The following HPS1 variants were observed in gnomAD, a reference collection of about 807,000 sequenced individuals.
HPS1 encodes BLOC-3 complex member HPS1.
Under a neutral mutation model 90.6 loss-of-function variants are expected in HPS1, and 59 were observed. That is an observed-to-expected ratio of 0.65 (90% CI 0.53 to 0.81). The LOEUF (loss-of-function observed/expected upper bound fraction) is 0.81. Ranked by LOEUF, HPS1 falls within the 30% of genes least tolerant of loss-of-function variation. The pLI is 0.00. For synonymous variants in HPS1, 388 were observed against 384.4 expected, an observed-to-expected ratio of 1.01 and a Z score of -0.11; for missense variants, 849 against 896.7, an observed-to-expected ratio of 0.95 and a Z score of 0.68.
intron 10 of HPS1, among the ~76,000 whole-genome samples, chr10:98,427,582 C>G (rs767693526): frequency 2.2e-4 from 34 of 152,126 alleles, no homozygotes; most frequent in Admixed American, 3.9e-4. Flanking sequence ...CTTCCTCCCC[C>G]CTCCCTTGCC....
downstream of HPS1, chr10:98,415,304 C>G (rs995796197): frequency 1.6e-5 from 14 of 901,362 alleles, no homozygotes; most frequent in Non-Finnish European, 2.1e-5. Context: ...CTCCTGCTGC[C>G]CTGGGGCTGT....
chr10:98,419,524 C>T (rs868588975), intron 18 of HPS1, among the ~76,000 whole-genome samples: 2 of 152,100 alleles, frequency 1.3e-5, no homozygotes, highest in African/African-American at 4.8e-5. Flanking sequence ...AAGCTCCCCC[C>T]ACTGGACCCT....
intron 13 of HPS1, among the ~76,000 whole-genome samples, chr10:98,425,145 T>A (rs1318768372): frequency 6.6e-6 from 1 of 152,218 alleles, no homozygotes; most frequent in Non-Finnish European, 1.5e-5. Context: ...TGTTGCCCTG[T>A]GAGCCCGGGG....
At chr10:98,429,254 T>C (rs1198244379) in intron 10 of HPS1, 3 of 1,165,126 alleles carry the variant, frequency 2.6e-6, no homozygotes, top group Non-Finnish European at 2.2e-6. Flanking sequence ...TAGATGATTA[T>C]TACTAAATTT....
chr10:98,427,908 T>A (rs967492877), intron 10 of HPS1, among the ~76,000 whole-genome samples: 2 of 152,216 alleles, frequency 1.3e-5, no homozygotes, highest in African/African-American at 4.8e-5. Flanking sequence ...AACACCTGAT[T>A]TACAAATGGA....
Position 98,435,516 on chromosome 10 carries a change from G to A in HPS1, c.256-102C>T. On this transcript the variant is annotated intron_variant, in intron 4 of 19. Coordinates refer to ENST00000361490, the MANE Select transcript of HPS1 (RefSeq NM_000195.5). The surrounding 1 kb of genome is among the most constrained non-coding windows in gnomAD (Gnocchi z 4.3). ...CAGGGGAGGCTCGGGTCCCAGGCGG[G>A]TTTGATAAGATGCCGTTTCTGCCTT... 12 of 1,609,482 alleles carry A rather than the reference G, an allele frequency of 7.5e-6. 1 individual carries two copies. The South Asian group carries it at 1.3e-4, about 18-fold the overall frequency.
At chr10:98,424,241 G>A (rs1845290321) in intron 14 of HPS1, 72 bp downstream of exon 14, 1 of 1,073,500 alleles carries the variant, frequency 9.3e-7, no homozygotes, top group South Asian at 1.3e-5. Flanking sequence ...CAGTGGTGGA[G>A]GAGATGTGGC....
In HPS1 at chr10:98,423,858, C is replaced by G. The variant is rs757853476; in HGVS notation, c.1427G>C (p.Arg476Pro). ...ELLQACGKLK[R>P]QLCAIYRLNF... ...CAGCCGGTAGATGGCGCAGAGCTGCCGCTTCAGCTTCCCACATGCCTGGAG... is the reference window on the plus strand; with the variant it reads ...CAGCCGGTAGATGGCGCAGAGCTGCGGCTTCAGCTTCCCACATGCCTGGAG... The change falls in exon 15 of 20, where the codon CGG (arginine) becomes CCG (proline). Residue 476 changes from arginine (R) to proline (P), a missense_variant. Arg to Pro is a moderately radical substitution (Grantham distance 103). Coordinates refer to ENST00000361490, the MANE Select transcript of HPS1 (RefSeq NM_000195.5). 8 of 1,613,822 alleles carry G rather than the reference C, an allele frequency of 5.0e-6. No homozygotes were observed. In the Admixed American group the frequency reaches 1.2e-4, roughly 24 times the overall value.
chr10:98,442,086 C>A (rs2136316681), intron 3 of HPS1, among the ~76,000 whole-genome samples: 1 of 152,296 alleles, frequency 6.6e-6, no homozygotes, highest in Middle Eastern at 3.4e-3. Flanking sequence ...TGTCCATCAA[C>A]AAGTAAATGA....
At chr10:98,422,272 C>T (rs940236455) in intron 17 of HPS1, 97 bp downstream of exon 17, 57 of 1,356,550 alleles carry the variant, frequency 4.2e-5, no homozygotes, top group East Asian at 1.1e-4. Flanking sequence ...TGCTGCCCAG[C>T]GCACTCTGCT....
chr10:98,420,067 A>C lies in HPS1; in HGVS notation c.1835T>G (p.Phe612Cys), dbSNP rs1844651101. ...FQEGDFYCSY[F>C]LWFENDMGYK... ...TACCATGTCATTCTCGAACCACAGG[A>C]AGTAGGAGCAGTAGAAATCCCCCTC... is the stretch of plus-strand genomic sequence containing the variant. Residue 612 changes from phenylalanine (F) to cysteine (C), a missense_variant, in exon 18 of 20, where the codon TTC becomes TGC. Transcript: ENST00000361490. The C allele has an allele frequency of 3.1e-6, 5 of 1,613,250 alleles. No individual in the cohort carries two copies. In the South Asian group the frequency reaches 5.5e-5, roughly 18 times the overall value.
intron 7 of HPS1, 25 bp downstream of exon 7, chr10:98,431,106 A>G: frequency 6.2e-7 from 1 of 1,613,438 alleles, no homozygotes; most frequent in Non-Finnish European, 8.5e-7. Flanking sequence ...GCCTTTAGCC[A>G]CCACATGCCA....
At position 98,435,145 on chromosome 10, in the gene HPS1, T is replaced by C; in HGVS notation, c.398+127A>G. 1 of 1,114,152 alleles carries C rather than the reference T, an allele frequency of 9.0e-7. No individual in the cohort carries two copies. Among genetic ancestry groups the C allele is most frequent in the South Asian group, 1.3e-5 (1 of 76,954 alleles). 69.0% of individuals were successfully genotyped at this position (1,114,152 alleles called of 1,614,324 possible). ...CTCCAAGGTTCACTTGAGCTGTTTC[T>C]CTGACCTAGGGACCCAGCTGGGGGC... On this transcript the variant is annotated intron_variant, in intron 5 of 19. Transcript: ENST00000361490. The surrounding 1 kb of genome is among the most constrained non-coding windows in gnomAD (Gnocchi z 4.3).
intron 17 of HPS1, among the ~76,000 whole-genome samples, chr10:98,421,979 G>GACACACACACACACACACACACACACAC (rs200573934): frequency 7.1e-6 from 1 of 139,936 alleles, no homozygotes. Context: ...CACACACACA[G>GACACACACACACACACACACACACACAC]ACACACACAC....
intron 13 of HPS1, 129 bp downstream of exon 13, chr10:98,425,412 A>G: frequency 1.2e-6 from 1 of 848,080 alleles, no homozygotes; most frequent in Non-Finnish European, 1.9e-6. Context: ...CAAGGATCGT[A>G]GGCCCGGGGG....
chr10:98,441,986 G>A (rs1354509822), intron 3 of HPS1, among the ~76,000 whole-genome samples: 3 of 152,202 alleles, frequency 2.0e-5, no homozygotes, highest in African/African-American at 7.2e-5. Flanking sequence ...TCTGTCCTTG[G>A]ACATGAAAGC....
At position 98,422,356 on chromosome 10, in the gene HPS1, T is replaced by A; in HGVS notation, c.1743+13A>T. ...GAGGCCCACCCATCCCCGCCCTGGG[T>A]CCAAATGGTTACCTTAGTTTTGACA... is the stretch of plus-strand genomic sequence containing the variant. On this transcript the variant is annotated intron_variant, in intron 17 of 19. Transcript: ENST00000361490. 4 of 1,514,138 alleles carry A rather than the reference T, an allele frequency of 2.6e-6. No individual in the cohort carries two copies. The highest frequency in any genetic ancestry group is 3.6e-6 in the Non-Finnish European group (4 of 1,099,240). The allele number at this position is 1,514,138 out of a possible 1,614,324, so 93.8% of individuals were successfully genotyped here.
chr10:98,423,841 A>G lies in HPS1; in HGVS notation c.1444T>C (p.Tyr482His). The G allele has an allele frequency of 6.2e-7, 1 of 1,613,920 alleles. No individual in the cohort carries two copies. The highest frequency in any genetic ancestry group is 8.5e-7 in the Non-Finnish European group (1 of 1,180,014). ...GKLKRQLCAI[Y>H]RLNFLTTAPS... ...GCTGTGGTCAGAAAGTTCAGCCGGT[A>G]GATGGCGCAGAGCTGCCGCTTCAGC... The change falls in exon 15 of 20, where the codon TAC becomes CAC. Residue 482 changes from tyrosine to histidine, a missense_variant. Coordinates refer to ENST00000361490, the MANE Select transcript of HPS1 (RefSeq NM_000195.5).
At chr10:98,434,394 C>T (rs2136242091) in intron 5 of HPS1, among the ~76,000 whole-genome samples, 1 of 151,150 alleles carries the variant, frequency 6.6e-6, no homozygotes, top group Admixed American at 6.6e-5. Flanking sequence ...GCTTCTCACA[C>T]AGAGGCCACT....
Sources: allele counts gnomAD v4.1 joint callset (sites outside exome capture counted in the v4.1 genomes callset), GRCh38; gene constraint gnomAD v4.1.1; non-coding constraint Gnocchi (gnomAD v3.1); transcripts MANE v1.5; gene names NCBI Gene and HGNC (gene_info 2026-07-23, HGNC 2026-07-21).